LRRC74A: variants seen among roughly 807,000 people sequenced by gnomAD.
LRRC74A encodes leucine rich repeat containing 74A.
LRRC74A carries 44 observed loss-of-function variants against 57.9 expected under a neutral mutation model. The observed-to-expected ratio is 0.76, with a 90% CI of 0.60 to 0.98. The LOEUF (loss-of-function observed/expected upper bound fraction) is 0.98. LRRC74A is among the 50% of genes least tolerant of loss of function. The pLI is 0.00. For missense variants in LRRC74A, 572 were observed against 574.0 expected, an observed-to-expected ratio of 1.00 and a Z score of 0.04; for synonymous variants, 211 against 219.4, an observed-to-expected ratio of 0.96 and a Z score of 0.34.
At chr14:76,864,542 A>T (rs1371727489) in intron 11 of LRRC74A, among the ~76,000 whole-genome samples, 2 of 152,130 alleles carry the variant, frequency 1.3e-5, no homozygotes, top group South Asian at 2.1e-4. Context: ...ATACTTAAAA[A>T]GGACCAAAAA....
chr14:76,840,584 C>A (rs1048834092), intron 5 of LRRC74A, among the ~76,000 whole-genome samples: 8 of 130,074 alleles, frequency 6.2e-5, no homozygotes, highest in African/African-American at 1.7e-4. Flanking sequence ...TTATGTATTT[C>A]TTTTTTTTTT....
intron 3 of LRRC74A, 125 bp from the exon 4 acceptor site, chr14:76,836,082 A>T: frequency 1.4e-6 from 1 of 690,072 alleles, no homozygotes; most frequent in Admixed American, 2.4e-5. Context: ...CGCCCTTGCC[A>T]GGCCTTCAGA....
At chr14:76,848,959 A>C (rs938836259) in intron 7 of LRRC74A, among the ~76,000 whole-genome samples, 1 of 152,190 alleles carries the variant, frequency 6.6e-6, no homozygotes, top group African/African-American at 2.4e-5. Context: ...CTATTTTCTC[A>C]GTGAAGTAGG....
At chr14:76,859,831 G>A (rs1293640740) in intron 10 of LRRC74A, among the ~76,000 whole-genome samples, 2 of 151,756 alleles carry the variant, frequency 1.3e-5, no homozygotes, top group Non-Finnish European at 2.9e-5. Context: ...ACCCACTACC[G>A]CACCTGGCTA....
At chr14:76,860,153 T>A (rs1167814669) in intron 10 of LRRC74A, among the ~76,000 whole-genome samples, 1 of 152,242 alleles carries the variant, frequency 6.6e-6, no homozygotes, top group African/African-American at 2.4e-5. Context: ...ATCTGAGGAA[T>A]GAAGCAGGCT....
At chr14:76,834,986 G>A (rs921765442) in intron 3 of LRRC74A, among the ~76,000 whole-genome samples, 4 of 152,062 alleles carry the variant, frequency 2.6e-5, no homozygotes, top group Non-Finnish European at 4.4e-5. Flanking sequence ...AGAGGGTGGC[G>A]GAGGACCAGC....
At chr14:76,850,411 A>G (rs1190216648) in intron 7 of LRRC74A, among the ~76,000 whole-genome samples, 1 of 152,056 alleles carries the variant, frequency 6.6e-6, no homozygotes, top group African/African-American at 2.4e-5. Flanking sequence ...GGCAGAGAAG[A>G]GGAAATAAGG....
chr14:76,846,598 G>A (rs1357569379), intron 7 of LRRC74A, among the ~76,000 whole-genome samples: 1 of 152,244 alleles, frequency 6.6e-6, no homozygotes. Context: ...CAGGGAGGAG[G>A]TGGGGATAGA....
At chr14:76,869,163 C>T (rs1198270247) in intron 13 of LRRC74A, among the ~76,000 whole-genome samples, 2 of 152,056 alleles carry the variant, frequency 1.3e-5, no homozygotes, top group Non-Finnish European at 2.9e-5. Context: ...AGTGGCACCT[C>T]TTGTTCCTGG....
chr14:76,866,734 C>T (rs1322655875), intron 12 of LRRC74A, among the ~76,000 whole-genome samples: 3 of 151,786 alleles, frequency 2.0e-5, no homozygotes, highest in Non-Finnish European at 2.9e-5. Flanking sequence ...CCCGGTCACT[C>T]GCTCCACCTG....
In LRRC74A at chr14:76,852,435, G is replaced by A; in HGVS notation, c.747G>A (p.Leu249=). 1 of 1,608,854 alleles carries A rather than the reference G, an allele frequency of 6.2e-7. No homozygotes were observed. The highest frequency in any genetic ancestry group is 8.5e-7 in the Non-Finnish European group (1 of 1,176,482). The change falls in exon 8 of 14, where the codon TTG becomes TTA. Residue 249 remains leucine (L), a synonymous_variant. Coordinates refer to ENST00000689127, the MANE Select transcript of LRRC74A (RefSeq NM_001385106.1). ...NNFHTRGAVA[L]CNGLRGNVTL... Reference sequence around the variant, plus strand: ...TCCACACAAGGGGAGCTGTGGCCTTGTGCAATGGTCTCCGGGTAAGGCACT... The same window carrying A: ...TCCACACAAGGGGAGCTGTGGCCTTATGCAATGGTCTCCGGGTAAGGCACT...
chr14:76,851,155 C>G (rs2140292830), intron 7 of LRRC74A, among the ~76,000 whole-genome samples: 1 of 152,344 alleles, frequency 6.6e-6, no homozygotes, highest in South Asian at 2.1e-4. Flanking sequence ...CTCCCCACTT[C>G]CAACTGATTG....
At chr14:76,827,489 A>C (rs1285078021) in intron 1 of LRRC74A, among the ~76,000 whole-genome samples, 1 of 152,150 alleles carries the variant, frequency 6.6e-6, no homozygotes, top group Non-Finnish European at 1.5e-5. Context: ...GTCAGTGCCT[A>C]AGGATTGAGC....
At chr14:76,833,378 A>T (rs1197028790) in intron 3 of LRRC74A, among the ~76,000 whole-genome samples, 1 of 151,084 alleles carries the variant, frequency 6.6e-6, no homozygotes, top group African/African-American at 2.4e-5. Flanking sequence ...AGTTGTTCTT[A>T]CAGTACAATA....
intron 10 of LRRC74A, among the ~76,000 whole-genome samples, chr14:76,858,945 A>T (rs753417649): frequency 6.6e-6 from 1 of 152,168 alleles, no homozygotes; most frequent in African/African-American, 2.4e-5. Context: ...AATAATTAAT[A>T]CAATGTGGGT....
rs1899016485 is a variant in LRRC74A, at chr14:76,867,371, C to T, written c.1324C>T (p.Leu442=). ...KVMIEQNKVP[L]NQYQVREVIK... Reference sequence around the variant, plus strand: ...ACCTCCTCAGCAAAACAAGGTCCCCCTGAACCAGTACCAGGTCAGGGAGGT... The same window carrying T: ...ACCTCCTCAGCAAAACAAGGTCCCCTTGAACCAGTACCAGGTCAGGGAGGT... The change falls in exon 13 of 14, where the codon CTG becomes TTG. Residue 442 remains leucine (L), a synonymous_variant. Transcript: ENST00000689127. 1 of 1,585,354 alleles carries T rather than the reference C, an allele frequency of 6.3e-7. No individual in the cohort carries two copies. Among genetic ancestry groups the T allele is most frequent in the African/African-American group, 1.3e-5 (1 of 74,098 alleles).
chr14:76,834,352 C>T lies in LRRC74A; in HGVS notation c.340-1855C>T, dbSNP rs187549170. On this transcript the variant is annotated intron_variant, in intron 3 of 13. Coordinates refer to ENST00000689127, the MANE Select transcript of LRRC74A (RefSeq NM_001385106.1). ...CTCTCAGGACTTGGACCACTTGTTT[C>T]GTAGTAACAGCGGTTTCTGTTTGAG... Among the ~76,000 whole-genome samples the T allele has an allele frequency of 8.6e-3, 1,313 of 152,296 alleles. 10 individuals are homozygous for T. Among genetic ancestry groups the T allele is most frequent in the Non-Finnish European group, 0.014 (968 of 68,022 alleles).
intron 4 of LRRC74A, among the ~76,000 whole-genome samples, chr14:76,837,446 T>G (rs1896435362): frequency 6.6e-6 from 1 of 152,156 alleles, no homozygotes; most frequent in Non-Finnish European, 1.5e-5. Context: ...AAAGGACAAT[T>G]CATACTTCCC....
chr14:76,866,390 G>C (rs1378807595), intron 12 of LRRC74A, among the ~76,000 whole-genome samples: 1 of 152,194 alleles, frequency 6.6e-6, no homozygotes, highest in East Asian at 1.9e-4. Flanking sequence ...ATAACAAAGG[G>C]AGTGAGAGAG....
Sources: allele counts gnomAD v4.1 joint callset (sites outside exome capture counted in the v4.1 genomes callset), GRCh38; gene constraint gnomAD v4.1.1; transcripts MANE v1.5; gene names NCBI Gene and HGNC (gene_info 2026-07-23, HGNC 2026-07-21).